Variants in CPQ observed in about 807,000 individuals in gnomAD.
The protein encoded by CPQ is carboxypeptidase Q.
A neutral mutation model predicts 45.7 loss-of-function variants in CPQ; 37 were observed. The ratio of observed to expected loss-of-function variants is 0.81; its 90% CI spans 0.62 to 1.07. The LOEUF (loss-of-function observed/expected upper bound fraction) is 1.07. CPQ is among the 50% of genes least tolerant of loss of function. CPQ has a pLI of 0.00. For synonymous variants in CPQ, 186 were observed against 205.8 expected, an observed-to-expected ratio of 0.90 and a Z score of 0.82; for missense variants, 537 against 572.9, an observed-to-expected ratio of 0.94 and a Z score of 0.64.
intron 1 of CPQ, among the ~76,000 whole-genome samples, chr8:96,755,251 C>A (rs1484459656): frequency 6.6e-6 from 1 of 151,938 alleles, no homozygotes; most frequent in Non-Finnish European, 1.5e-5. Context: ...CATTCTCCTG[C>A]CTTAGTCTTC....
intron 5 of CPQ, among the ~76,000 whole-genome samples, chr8:97,013,098 A>G (rs1476203178): frequency 6.6e-6 from 1 of 152,044 alleles, no homozygotes; most frequent in Non-Finnish European, 1.5e-5. Context: ...CCACCTGCCC[A>G]AGACCAGCCT....
chr8:96,664,401 G>C (rs1224281223), intron 1 of CPQ, among the ~76,000 whole-genome samples: 1 of 152,188 alleles, frequency 6.6e-6, no homozygotes, highest in African/African-American at 2.4e-5. Context: ...TAGAAGAGGA[G>C]AGCTTTTTCT....
At chr8:97,000,803 G>A (rs940960422) in intron 5 of CPQ, among the ~76,000 whole-genome samples, 1 of 152,118 alleles carries the variant, frequency 6.6e-6, no homozygotes, top group Non-Finnish European at 1.5e-5. Context: ...AATAGGCATA[G>A]CATTGAATCT....
At chr8:96,779,128 G>A (rs1810653232) in intron 1 of CPQ, among the ~76,000 whole-genome samples, 1 of 150,912 alleles carries the variant, frequency 6.6e-6, no homozygotes, top group Non-Finnish European at 1.5e-5. Context: ...AAGGATGTCT[G>A]ACTTAGGCAA....
At chr8:96,808,504 T>C (rs1001812140) in intron 2 of CPQ, among the ~76,000 whole-genome samples, 2 of 152,168 alleles carry the variant, frequency 1.3e-5, no homozygotes, top group African/African-American at 4.8e-5. Context: ...TCCCTCCTTA[T>C]AGAGAGAAAT....
intron 1 of CPQ, among the ~76,000 whole-genome samples, chr8:96,761,821 C>T (rs1056131953): frequency 1.3e-5 from 2 of 152,210 alleles, no homozygotes; most frequent in Admixed American, 6.5e-5. Flanking sequence ...CCGCTAATAG[C>T]GTCAAACCTT....
chr8:96,653,552 T>C (rs1307675878), intron 1 of CPQ, among the ~76,000 whole-genome samples: 2 of 152,216 alleles, frequency 1.3e-5, no homozygotes, highest in African/African-American at 4.8e-5. Flanking sequence ...TAACTACTAA[T>C]AGCCAACTGT....
chr8:96,774,628 A>G (rs946899652), intron 1 of CPQ, among the ~76,000 whole-genome samples: 3 of 152,164 alleles, frequency 2.0e-5, no homozygotes, highest in Non-Finnish European at 4.4e-5. Flanking sequence ...CTGAGGGAAA[A>G]AGAAGAATCC....
chr8:97,137,820 C>T (rs528428663), intron 7 of CPQ, among the ~76,000 whole-genome samples: 113 of 151,764 alleles, frequency 7.4e-4, no homozygotes, highest in African/African-American at 2.7e-3. Context: ...TCCCGGGAGG[C>T]GGAGCTTGCA....
At chr8:96,973,429 G>T (rs1813716096) in intron 5 of CPQ, among the ~76,000 whole-genome samples, 1 of 152,128 alleles carries the variant, frequency 6.6e-6, no homozygotes, top group Non-Finnish European at 1.5e-5. Context: ...AAATCTAAAA[G>T]TCTGAAAAAC....
At chr8:96,875,036 AG>A (rs1413732580) in intron 3 of CPQ, among the ~76,000 whole-genome samples, 1 of 151,884 alleles carries the variant, frequency 6.6e-6, no homozygotes, top group Non-Finnish European at 1.5e-5. Context: ...TTAGATGGAA[AG>A]TGACATCTCA....
chr8:96,874,853 C>T (rs1258888597), intron 3 of CPQ, among the ~76,000 whole-genome samples: 3 of 151,716 alleles, frequency 2.0e-5, no homozygotes, highest in Non-Finnish European at 4.4e-5. Flanking sequence ...ATAATATATA[C>T]CAAGGGGTAG....
At chr8:96,957,119 T>C (rs966541740) in intron 4 of CPQ, among the ~76,000 whole-genome samples, 3 of 152,208 alleles carry the variant, frequency 2.0e-5, no homozygotes, top group Non-Finnish European at 4.4e-5. Context: ...TAAAAGTTGT[T>C]CTCAGGTGTC....
chr8:96,847,228 A>G (rs1211964986), intron 3 of CPQ, among the ~76,000 whole-genome samples: 1 of 152,218 alleles, frequency 6.6e-6, no homozygotes, highest in Non-Finnish European at 1.5e-5. Context: ...TGTGAATCTT[A>G]AGTTCTTTAA....
chr8:96,924,530 AT>A (rs143774648), intron 4 of CPQ, among the ~76,000 whole-genome samples: 5 of 151,746 alleles, frequency 3.3e-5, no homozygotes, highest in African/African-American at 4.8e-5. Context: ...TTGTGCATTG[AT>A]TTTTTTTTAC....
At chr8:96,672,850 T>A (rs962220644) in intron 1 of CPQ, among the ~76,000 whole-genome samples, 4 of 152,240 alleles carry the variant, frequency 2.6e-5, no homozygotes, top group South Asian at 2.1e-4. Context: ...AATTTTTTTT[T>A]AAAATGTTAG....
chr8:97,075,316 G>A (rs552043206), intron 7 of CPQ, among the ~76,000 whole-genome samples: 1 of 152,026 alleles, frequency 6.6e-6, no homozygotes, highest in South Asian at 2.1e-4. Flanking sequence ...CCCCTTTTAG[G>A]GTCTCAAGAT....
At chr8:96,745,178 C>T (rs780577862) in intron 1 of CPQ, among the ~76,000 whole-genome samples, 8 of 152,032 alleles carry the variant, frequency 5.3e-5, no homozygotes, top group Admixed American at 1.3e-4. Flanking sequence ...CATGGTGGCT[C>T]ATGCCTGTAA....
At position 96,797,825 on chromosome 8, in the gene CPQ, G is replaced by A. The variant is rs139262306; in HGVS notation, c.433+12495G>A. On this transcript the variant is annotated intron_variant, in intron 2 of 7. Coordinates refer to ENST00000220763, the MANE Select transcript of CPQ (RefSeq NM_016134.4). Reference sequence around the variant, plus strand: ...CCAGCACTTTGGGAGGCCGAGGCAGGTGGATCACGAGGTCAGGAGATCAAG... The same window carrying A: ...CCAGCACTTTGGGAGGCCGAGGCAGATGGATCACGAGGTCAGGAGATCAAG... 3.4e-3 allele frequency among the ~76,000 whole-genome samples: 521 copies of A among 152,166 alleles called. 8 individuals carry two copies. The highest frequency in any genetic ancestry group is 0.012 in the African/African-American group (486 of 41,528).
Sources: gnomAD v4.1 joint callset for allele counts (sites outside exome capture counted in the v4.1 genomes callset) on GRCh38, gnomAD v4.1.1 for gene constraint, MANE v1.5 for transcripts, NCBI Gene and HGNC (gene_info 2026-07-23, HGNC 2026-07-21) for gene names.